The following SYMPK variants were observed in gnomAD, a reference collection of about 807,000 sequenced individuals.
SYMPK encodes the protein symplekin scaffold protein, also known as symplekin.
Under a neutral mutation model 136.4 loss-of-function variants are expected in SYMPK, and 49 were observed. The ratio of observed to expected loss-of-function variants is 0.36; its 90% CI spans 0.29 to 0.46. SYMPK has a LOEUF of 0.46. SYMPK is among the 20% of genes least tolerant of loss of function. The pLI is 1.00. For synonymous variants in SYMPK, 766 were observed against 713.0 expected, an observed-to-expected ratio of 1.07 and a Z score of -1.19; for missense variants, 1,365 against 1,690.0, an observed-to-expected ratio of 0.81 and a Z score of 3.37.
At chr19:45,817,274 G>A in intron 23 of SYMPK, 1 of 394,342 alleles carries the variant, frequency 2.5e-6, no homozygotes, top group Non-Finnish European at 4.6e-6. Flanking sequence ...ACATTCTCAC[G>A]GCAGCCTCCA....
chr19:45,837,486 G>T (rs760047522), intron 10 of SYMPK, among the ~76,000 whole-genome samples: 1 of 151,738 alleles, frequency 6.6e-6, no homozygotes, highest in Admixed American at 6.6e-5. Context: ...GTGCAGTGGT[G>T]GGCGCTGGTA....
At chr19:45,822,085 G>A (rs1970915898) in intron 21 of SYMPK, among the ~76,000 whole-genome samples, 1 of 150,646 alleles carries the variant, frequency 6.6e-6, no homozygotes, top group African/African-American at 2.4e-5. Context: ...ACAATCCCTT[G>A]CTAGTTTTTC....
chr19:45,854,164 C>G lies in SYMPK; in HGVS notation c.171+11G>C. On this transcript the variant is annotated intron_variant, in intron 3 of 26. Transcript: ENST00000245934. ...CACCTGCTCAGCCCAGGATGCCCCC[C>G]GGGCCCTCACCTGTTTGAGCACTGT... The G allele has an allele frequency of 2.5e-6, 4 of 1,613,914 alleles. No individual in the cohort carries two copies. Among genetic ancestry groups the G allele is most frequent in the Middle Eastern group, 3.3e-4 (2 of 6,060 alleles).
chr19:45,822,169 AG>A (rs1179413114), intron 21 of SYMPK, among the ~76,000 whole-genome samples: 1 of 129,388 alleles, frequency 7.7e-6, no homozygotes, highest in Admixed American at 9.5e-5. Context: ...TCCAGGCTGG[AG>A]TGCACTGGCA....
Position 45,816,989 on chromosome 19 carries a change from G to A in SYMPK, c.3082-15C>T. The A allele has an allele frequency of 6.4e-7, 1 of 1,554,660 alleles. No homozygotes were observed. Among genetic ancestry groups the A allele is most frequent in the Non-Finnish European group, 8.7e-7 (1 of 1,149,716 alleles). ...TACTTCCACACCTGAACCAGGGAGG[G>A]AGGGAGCCGTCGGGAGAGGCACACA... On this transcript the variant is annotated splice_polypyrimidine_tract_variant and intron_variant, in intron 23 of 26. Transcript: ENST00000245934.
At chr19:45,828,511 G>A (rs2146311676) in intron 14 of SYMPK, 1 of 179,138 alleles carries the variant, frequency 5.6e-6, no homozygotes. Flanking sequence ...GGTTCCTTGT[G>A]GGGAAGTAAT....
chr19:45,849,788 G>A (rs976976345), intron 5 of SYMPK, among the ~76,000 whole-genome samples: 43 of 152,218 alleles, frequency 2.8e-4, no homozygotes, highest in African/African-American at 9.9e-4. Context: ...GCTCACGCCT[G>A]TAATCCCAGC....
chr19:45,831,908 A>G (rs1971186444), intron 11 of SYMPK, among the ~76,000 whole-genome samples: 1 of 152,128 alleles, frequency 6.6e-6, no homozygotes, highest in Admixed American at 6.6e-5. Flanking sequence ...ATCAGGGCTC[A>G]CTGCAGTCTT....
In SYMPK at chr19:45,818,127, C is replaced by A. The variant is rs142763385; in HGVS notation, c.2913G>T (p.Ala971=). Residue 971 remains alanine (A), a synonymous_variant, in exon 23 of 27, where the codon GCG becomes GCT. Transcript: ENST00000245934. The stretch of plus-strand genomic sequence containing the variant: ...CCTCTGACGTGTACACGTTCCGCTC[C>A]GCAAAGCACAGGTTGGTGGCTGCGA... The part of the protein sequence containing the change: ...SIIKATNLCF[A]ERNVYTSEVL... The A allele has an allele frequency of 2.6e-6, 4 of 1,550,698 alleles. No individual in the cohort carries two copies. In the African/African-American group the frequency reaches 4.1e-5, roughly 16 times the overall value.
chr19:45,859,997 C>A (rs1038431105), intron 1 of SYMPK, among the ~76,000 whole-genome samples: 5 of 145,246 alleles, frequency 3.4e-5, no homozygotes, highest in Admixed American at 1.4e-4. Context: ...AGGCATGGTG[C>A]CATGAACCTT....
At chr19:45,831,333 A>C (rs781670654) in intron 12 of SYMPK, 51 bp downstream of exon 12, 4 of 1,425,196 alleles carry the variant, frequency 2.8e-6, no homozygotes, top group Non-Finnish European at 3.7e-6. Context: ...TGAGAACCAG[A>C]CCTTCAGGGT....
chr19:45,852,333 A>C lies in SYMPK; in HGVS notation c.278T>G (p.Ile93Ser). 6.2e-7 allele frequency: 1 copy of C among 1,614,210 alleles called. No homozygotes were observed. The highest frequency in any genetic ancestry group is 8.5e-7 in the Non-Finnish European group (1 of 1,180,042). The change falls in exon 5 of 27, where the codon ATC becomes AGC. Residue 93 changes from isoleucine (I) to serine (S), a missense_variant. This residue lies in a region of SYMPK where 237 missense variants were observed against 292.9 expected (regional missense o/e 0.81). Coordinates refer to ENST00000245934, the MANE Select transcript of SYMPK (RefSeq NM_004819.3). The stretch of plus-strand genomic sequence containing the variant: ...ATACCATGCCTCCTCGATGAAGCCG[A>C]TGACAAATTTTCGCACTTCGATTGA... ...DKSIEVRKFV[I>S]GFIEEACKRD...
chr19:45,826,689 A>G (rs1347308975), intron 16 of SYMPK, among the ~76,000 whole-genome samples: 1 of 152,222 alleles, frequency 6.6e-6, no homozygotes, highest in African/African-American at 2.4e-5. Flanking sequence ...AAGTCTCCCT[A>G]GAACGTCTAC....
Position 45,815,549 on chromosome 19 carries a change from C to A in SYMPK, c.*11G>T. 1.3e-6 allele frequency: 2 copies of A among 1,552,104 alleles called. No individual in the cohort carries two copies. Among genetic ancestry groups the A allele is most frequent in the Non-Finnish European group, 8.7e-7 (1 of 1,151,886 alleles). On this transcript the variant is annotated 3_prime_UTR_variant, in exon 27 of 27. Transcript: ENST00000245934. ...AGTCCCTGTCCCACCCCCTTTCCCC[C>A]TCGAGCCCCGTCAGCTGTTCCCCTT...
intron 9 of SYMPK, among the ~76,000 whole-genome samples, chr19:45,840,701 G>A (rs1034503145): frequency 7.9e-5 from 12 of 151,534 alleles, no homozygotes; most frequent in Admixed American, 3.3e-4. Context: ...AAATTAGCCC[G>A]GTGTGGTGGC....
Position 45,830,216 on chromosome 19 carries a change from A to C in SYMPK, c.1599-12T>G. 10 of 1,607,224 alleles carry C rather than the reference A, an allele frequency of 6.2e-6. No individual in the cohort carries two copies. Among genetic ancestry groups the C allele is most frequent in the Non-Finnish European group, 8.5e-6 (10 of 1,175,714 alleles). Reference sequence around the variant, plus strand: ...CAGCGCCTGCCAGCCTGTGTGGAAGAGCAGTGACAGAGATGCAGTGACCCA... The same window carrying C: ...CAGCGCCTGCCAGCCTGTGTGGAAGCGCAGTGACAGAGATGCAGTGACCCA... On this transcript the variant is annotated splice_polypyrimidine_tract_variant and intron_variant, in intron 12 of 26. Coordinates refer to ENST00000245934, the MANE Select transcript of SYMPK (RefSeq NM_004819.3).
At chr19:45,835,040 C>A (rs765519044) in intron 11 of SYMPK, 38 bp downstream of exon 11, 1 of 1,477,250 alleles carries the variant, frequency 6.8e-7, no homozygotes, top group Non-Finnish European at 9.0e-7. Flanking sequence ...GCCACAAGTG[C>A]CAATCCCTGG....
chr19:45,846,815 A>G (rs1376864882), intron 7 of SYMPK, among the ~76,000 whole-genome samples: 2 of 132,072 alleles, frequency 1.5e-5, no homozygotes, highest in Non-Finnish European at 3.3e-5. Context: ...TTTTTTTTTG[A>G]GACAGTCTCA....
At chr19:45,819,696 C>G (rs1268108099) in intron 22 of SYMPK, 1 of 152,394 alleles carries the variant, frequency 6.6e-6, no homozygotes, top group African/African-American at 2.4e-5. Context: ...CCAGCACTAC[C>G]CAGGATGGAT....
Sources: allele counts gnomAD v4.1 joint callset (sites outside exome capture counted in the v4.1 genomes callset), GRCh38; gene constraint gnomAD v4.1.1; regional missense constraint gnomAD v4.1.1; transcripts MANE v1.5; gene names NCBI Gene and HGNC (gene_info 2026-07-23, HGNC 2026-07-21).